KRI1: variants seen among roughly 807,000 people sequenced by gnomAD.
The protein encoded by KRI1 is protein KRI1 homolog.
In KRI1, 83 loss-of-function variants were observed where a neutral mutation model predicts 97.0. That is an observed-to-expected ratio of 0.86 (90% CI 0.72 to 1.03). The LOEUF (loss-of-function observed/expected upper bound fraction) is 1.03, where lower values mean the gene tolerates loss of function less well. KRI1 is among the 50% of genes least tolerant of loss of function. The pLI is 0.00. For synonymous variants in KRI1, 371 were observed against 363.5 expected, an observed-to-expected ratio of 1.02 and a Z score of -0.23; for missense variants, 916 against 928.4, an observed-to-expected ratio of 0.99 and a Z score of 0.17.
intron 9 of KRI1, 137 bp from the exon 10 acceptor site, chr19:10,560,073 C>T: frequency 2.4e-6 from 3 of 1,263,746 alleles, no homozygotes; most frequent in Non-Finnish European, 3.2e-6. Flanking sequence ...TGCTATTGTC[C>T]TCATTTTACA....
intron 1 of KRI1, 37 bp downstream of exon 1, chr19:10,565,869 G>C (rs537692426): frequency 6.5e-7 from 1 of 1,532,932 alleles, no homozygotes; most frequent in Admixed American, 2.0e-5. Flanking sequence ...ACCGGCCGGC[G>C]CGCGCAGGCT....
At chr19:10,556,109 G>A (rs1469964801) in intron 16 of KRI1, among the ~76,000 whole-genome samples, 2 of 152,166 alleles carry the variant, frequency 1.3e-5, no homozygotes, top group Admixed American at 6.6e-5. Flanking sequence ...GTCTCACTAT[G>A]TCACCCAGGC....
intron 8 of KRI1, among the ~76,000 whole-genome samples, chr19:10,560,692 A>C (rs138139298): frequency 6.6e-6 from 1 of 152,120 alleles, no homozygotes; most frequent in Non-Finnish European, 1.5e-5. Flanking sequence ...TAGCCTCCCA[A>C]GTATTTGAGA....
Position 10,565,947 on chromosome 19 carries a change from G to C in KRI1, c.53C>G (p.Ala18Gly), listed in dbSNP as rs1420377490. The change falls in exon 1 of 19, where the codon GCG becomes GGG. Residue 18 changes from alanine to glycine, a missense_variant. By Grantham distance (60) the Ala-to-Gly change is moderately conservative. Around this residue, in one of 3 missense-constraint regions of KRI1, gnomAD observed 173 missense variants for 153.1 expected, o/e 1.13. Coordinates refer to ENST00000312962, the MANE Select transcript of KRI1 (RefSeq NM_023008.5). ...GCGCTCCCGGTAGCGGTTGTACCGC[G>C]CGGCAAACGCCGCGTTCACCCGCAG... ...SQLRVNAAFA[A>G]RYNRYREREE... is the part of the protein sequence containing the mutation. 4 of 1,530,202 alleles carry C rather than the reference G, an allele frequency of 2.6e-6. No homozygotes were observed. The highest frequency in any genetic ancestry group is 1.2e-5 in the South Asian group (1 of 82,718). 94.8% of individuals were successfully genotyped at this position (1,530,202 alleles called of 1,614,324 possible).
At chr19:10,559,765 G>T in intron 10 of KRI1, 45 bp downstream of exon 10, 1 of 1,613,712 alleles carries the variant, frequency 6.2e-7, no homozygotes, top group Middle Eastern at 1.6e-4. Context: ...GGTTCCCTGG[G>T]CCTGAACCCT....
At chr19:10,559,780 G>T (rs754640104) in intron 10 of KRI1, 30 bp downstream of exon 10, 3 of 1,613,606 alleles carry the variant, frequency 1.9e-6, no homozygotes, top group Admixed American at 1.7e-5. Context: ...AACCCTGGGG[G>T]CTGAGTCCTC....
intron 18 of KRI1, among the ~76,000 whole-genome samples, chr19:10,554,827 G>A (rs542823417): frequency 6.6e-6 from 1 of 151,684 alleles, no homozygotes. Context: ...ATCACTTTAC[G>A]AGAATTAACT....
intron 8 of KRI1, 64 bp from the exon 9 acceptor site, chr19:10,560,512 A>C (rs1599534390): frequency 8.4e-7 from 1 of 1,195,394 alleles, no homozygotes; most frequent in African/African-American, 1.5e-5. Context: ...AGGCATGCTC[A>C]CCACATGGAC....
chr19:10,555,566 G>A lies in KRI1; in HGVS notation c.1618-217C>T, dbSNP rs77520918. 3.5e-4 allele frequency among the ~76,000 whole-genome samples: 54 copies of A among 152,310 alleles called. No individual in the cohort carries two copies. The East Asian group carries it at 0.01, about 28-fold the overall frequency. The stretch of plus-strand genomic sequence containing the variant: ...CTCAGAGAACGGATCCTTGCCCTAG[G>A]CCAGATGGCTGGGAAGTTGGCTGAA... On this transcript the variant is annotated intron_variant, in intron 16 of 18. Transcript: ENST00000312962.
At position 10,559,865 on chromosome 19, in the gene KRI1, T is replaced by C. The variant is rs1916639485; in HGVS notation, c.872A>G (p.Gln291Arg). ...SDEGELFLKK[Q>R]EDFEQKYNFR... Reference sequence around the variant, plus strand: ...ATTGTACTTCTGTTCAAAGTCCTCCTGTTTCTTCAGAAACAGCTCCCCTTC... The same window carrying C: ...ATTGTACTTCTGTTCAAAGTCCTCCCGTTTCTTCAGAAACAGCTCCCCTTC... The change falls in exon 10 of 19, where the codon CAG (glutamine) becomes CGG (arginine). Residue 291 changes from glutamine to arginine, a missense_variant. By Grantham distance (43) the Gln-to-Arg change is conservative. This residue lies in a region of KRI1 where 672 missense variants were observed against 667.2 expected (regional missense o/e 1.01). Transcript: ENST00000312962. 1 of 1,613,852 alleles carries C rather than the reference T, an allele frequency of 6.2e-7. No individual in the cohort carries two copies. The highest frequency in any genetic ancestry group is 2.2e-5 in the East Asian group (1 of 44,884).
chr19:10,564,336 T>C (rs190749136), intron 3 of KRI1, among the ~76,000 whole-genome samples: 23 of 151,772 alleles, frequency 1.5e-4, no homozygotes, highest in African/African-American at 5.3e-4. Flanking sequence ...GGCGCGTGCC[T>C]GTAATTCCAG....
At position 10,559,290 on chromosome 19, in the gene KRI1, C is replaced by G; in HGVS notation, c.1194+69G>C. ...AAAGTGCTGGGATTACAGGCGTGAG[C>G]CACCGTGGCCAGTGAGAGCCATGTT... On this transcript the variant is annotated intron_variant, in intron 12 of 18. Coordinates refer to ENST00000312962, the MANE Select transcript of KRI1 (RefSeq NM_023008.5). 4.5e-6 allele frequency: 7 copies of G among 1,541,948 alleles called. No individual in the cohort carries two copies. In the South Asian group the frequency reaches 8.4e-5, roughly 18 times the overall value.
In KRI1 at chr19:10,562,857, A is replaced by G; in HGVS notation, c.275-20T>C. ...ACGATGCTGTTAACCCACCAAAGAC[A>G]CCTGCCATCACCCACAACCCCCTTC... On this transcript the variant is annotated intron_variant, in intron 3 of 18. Coordinates refer to ENST00000312962, the MANE Select transcript of KRI1 (RefSeq NM_023008.5). 1 of 1,411,526 alleles carries G rather than the reference A, an allele frequency of 7.1e-7. No homozygotes were observed. Among genetic ancestry groups the G allele is most frequent in the Non-Finnish European group, 1.0e-6 (1 of 995,140 alleles). The allele number at this position is 1,411,526 out of a possible 1,614,324, so 87.4% of individuals were successfully genotyped here. A position where few individuals can be genotyped will look rare whatever the true frequency, so the allele number is the denominator to read the frequency against.
At position 10,557,677 on chromosome 19, in the gene KRI1, T is replaced by A. The variant is rs139776703; in HGVS notation, c.1492A>T (p.Lys498Ter). The A allele has an allele frequency of 3.7e-6, 6 of 1,614,050 alleles. No homozygotes were observed. The highest frequency in any genetic ancestry group is 5.1e-6 in the Non-Finnish European group (6 of 1,180,010). Residue 498 changes from lysine (K) to a stop codon, truncating the protein, a stop_gained, in exon 16 of 19, where the codon AAG (lysine) becomes TAG (stop). Transcript: ENST00000312962. LOFTEE classifies it high-confidence loss of function. ...TCATCCAGGTACTCCTCGAACGTCT[T>A]GTCCCCTGCTCGAGACAGAGCCAGG... ...QEKPVFEPGD[K>*]TFEEYLDEYY...
chr19:10,557,482 GGGCCA>G, intron 16 of KRI1, 65 bp downstream of exon 16: 1 of 1,524,334 alleles, frequency 6.6e-7, no homozygotes, highest in Non-Finnish European at 8.9e-7. Flanking sequence ...TTGGGACTCA[GGGCCA>G]GCTTTCTACC....
rs775698392 is a variant in KRI1, at chr19:10,554,069, C to T, written c.1994G>A (p.Gly665Asp). ...TCTCTGGCGGCTGAACTCGCATCCA[C>T]CAAGCATCACAGTGGGGCCCAGCAG... ...ARLLGPTVML[G>D]GCEFSRQRLQ... Residue 665 changes from glycine (G) to aspartate (D), a missense_variant, in exon 19 of 19, where the codon GGT becomes GAT. Transcript: ENST00000312962. The T allele has an allele frequency of 1.9e-6, 3 of 1,614,220 alleles. No individual in the cohort carries two copies. Among genetic ancestry groups the T allele is most frequent in the East Asian group, 4.5e-5 (2 of 44,890 alleles).
intron 8 of KRI1, 42 bp from the exon 9 acceptor site, chr19:10,560,490 G>A (rs760727309): frequency 2.7e-6 from 4 of 1,459,112 alleles, no homozygotes; most frequent in East Asian, 2.3e-5. Flanking sequence ...ATGGAGGACA[G>A]GGAAGGAGGG....
At chr19:10,561,418 C>T (rs180996326) in intron 6 of KRI1, among the ~76,000 whole-genome samples, 153 bp from the exon 7 acceptor site, 87 of 152,228 alleles carry the variant, frequency 5.7e-4, no homozygotes, top group Middle Eastern at 3.4e-3. Flanking sequence ...CCTCTGCCCA[C>T]CAAAGCCCTG....
chr19:10,558,328 C>A, intron 12 of KRI1, 89 bp from the exon 13 acceptor site: 3 of 1,230,138 alleles, frequency 2.4e-6, no homozygotes, highest in South Asian at 2.4e-5. Context: ...CCCTCCTTGG[C>A]AACTTTACTC....
Sources: gnomAD v4.1 joint callset for allele counts (sites outside exome capture counted in the v4.1 genomes callset) on GRCh38, gnomAD v4.1.1 for gene constraint, gnomAD v4.1.1 regional missense constraint, MANE v1.5 for transcripts, NCBI Gene and HGNC (gene_info 2026-07-23, HGNC 2026-07-21) for gene names.